GAPVD1: variants seen among roughly 807,000 people sequenced by gnomAD.
GAPVD1 encodes the protein GTPase-activating protein and VPS9 domain-containing protein 1.
In GAPVD1, 35 loss-of-function variants were observed where a neutral mutation model predicts 155.5. The observed-to-expected ratio is 0.23, with a 90% CI of 0.17 to 0.30. The LOEUF (loss-of-function observed/expected upper bound fraction) is 0.30. GAPVD1 is among the 10% of genes least tolerant of loss of function. GAPVD1 has a pLI of 1.00. For synonymous variants in GAPVD1, 636 were observed against 619.7 expected, an observed-to-expected ratio of 1.03 and a Z score of -0.39; for missense variants, 1,429 against 1,775.7, an observed-to-expected ratio of 0.80 and a Z score of 3.51.
intron 20 of GAPVD1, among the ~76,000 whole-genome samples, chr9:125,348,689 T>C (rs1454587485): frequency 6.6e-6 from 1 of 152,148 alleles, no homozygotes; most frequent in South Asian, 2.1e-4. Flanking sequence ...TTTTTGTATT[T>C]TTCATAGAGA....
chr9:125,263,954 G>C lies in GAPVD1; in HGVS notation c.-199+1995G>C, dbSNP rs1435658761. The C allele has an allele frequency of 2.8e-5, 40 of 1,403,736 alleles. 1 individual carries two copies. Among genetic ancestry groups the C allele is most frequent in the Non-Finnish European group, 3.9e-5 (39 of 992,586 alleles). 87.0% of individuals were successfully genotyped at this position (1,403,736 alleles called of 1,614,324 possible). A position where few individuals can be genotyped will look rare whatever the true frequency, so the allele number is the denominator to read the frequency against. ...CTTCATGTAGCCTTGAGACTTGAGA[G>C]ACTGCATGGCCTTCATGACATGAAG... On this transcript the variant is annotated intron_variant, in intron 1 of 27. Transcript: ENST00000297933.
chr9:125,290,782 AG>A (rs1838455153), intron 2 of GAPVD1, among the ~76,000 whole-genome samples: 1 of 152,130 alleles, frequency 6.6e-6, no homozygotes, highest in South Asian at 2.1e-4. Flanking sequence ...ATATCACTTG[AG>A]CCCAGGAGTT....
chr9:125,277,792 C>G (rs1383344990), intron 2 of GAPVD1, among the ~76,000 whole-genome samples: 1 of 151,652 alleles, frequency 6.6e-6, no homozygotes, highest in Non-Finnish European at 1.5e-5. Context: ...ACCTCAGCCT[C>G]CCAAGTACCT....
At chr9:125,327,892 C>T (rs1365803901) in intron 12 of GAPVD1, among the ~76,000 whole-genome samples, 1 of 152,224 alleles carries the variant, frequency 6.6e-6, no homozygotes, top group Non-Finnish European at 1.5e-5. Context: ...GTTAGACCCA[C>T]ATGGCCAGCT....
chr9:125,298,599 C>T (rs1367584874), intron 3 of GAPVD1, among the ~76,000 whole-genome samples: 3 of 151,266 alleles, frequency 2.0e-5, no homozygotes, highest in African/African-American at 4.9e-5. Flanking sequence ...AGGAATCCCC[C>T]TGCCTCAGCC....
rs764352410 is a variant in GAPVD1 at position 125,330,072 on chromosome 9, A to G, written c.2033-6A>G. The G allele has an allele frequency of 4.4e-6, 7 of 1,601,374 alleles. No individual in the cohort carries two copies. The highest frequency in any genetic ancestry group is 2.2e-5 in the South Asian group (2 of 88,984). On this transcript the variant is annotated splice_region_variant and splice_polypyrimidine_tract_variant and intron_variant, in intron 12 of 27. Coordinates refer to ENST00000297933, the MANE Select transcript of GAPVD1 (RefSeq NM_001282680.3). ...GTTAACCCTTTGCTTCCCACTGGTTATACAGGTGCTGCAGCAGAGAACATG... is the reference window on the plus strand; with the variant it reads ...GTTAACCCTTTGCTTCCCACTGGTTGTACAGGTGCTGCAGCAGAGAACATG...
chr9:125,349,582 T>TC (rs1296384196), intron 21 of GAPVD1, 63 bp downstream of exon 21: 2 of 1,407,122 alleles, frequency 1.4e-6, no homozygotes, highest in African/African-American at 2.8e-5. Flanking sequence ...TGCAGTCACG[T>TC]CAAGTCAAGT....
At chr9:125,327,247 G>A (rs1845317498) in intron 12 of GAPVD1, among the ~76,000 whole-genome samples, 1 of 151,230 alleles carries the variant, frequency 6.6e-6, no homozygotes, top group African/African-American at 2.4e-5. Flanking sequence ...ACTAAAATTC[G>A]CTCCTTTTTG....
chr9:125,346,819 A>G lies in GAPVD1; in HGVS notation c.3047A>G (p.Asp1016Gly). The G allele has an allele frequency of 1.2e-6, 2 of 1,613,520 alleles. No homozygotes were observed. The highest frequency in any genetic ancestry group is 1.1e-5 in the South Asian group (1 of 91,072). Reference protein sequence around the residue: ...LGPDRFSTLTDDPSPRLSAQA... With the variant: ...LGPDRFSTLTGDPSPRLSAQA... ...TCTCTCACTCTCCTTTCCCTTGCAG[A>G]TGATCCCAGCCCTAGACTCAGTGCA... Residue 1016 changes from aspartate to glycine, a missense_variant and splice_region_variant, in exon 20 of 28, where the codon GAT becomes GGT. By Grantham distance (94) the Asp-to-Gly change is moderately conservative. This residue lies in a region of GAPVD1 where 699 missense variants were observed against 826.0 expected (regional missense o/e 0.85). Coordinates refer to ENST00000297933, the MANE Select transcript of GAPVD1 (RefSeq NM_001282680.3).
At chr9:125,316,889 T>A (rs947273715) in intron 9 of GAPVD1, among the ~76,000 whole-genome samples, 15 of 152,200 alleles carry the variant, frequency 9.9e-5, no homozygotes, top group African/African-American at 3.6e-4. Context: ...TTCTCCACAT[T>A]CTCTCCAGCA....
At chr9:125,346,491 G>A in intron 19 of GAPVD1, 1 of 353,990 alleles carries the variant, frequency 2.8e-6, no homozygotes, top group Non-Finnish European at 5.3e-6. Context: ...TGGAAGTTCT[G>A]TTAGCATGAA....
At chr9:125,322,368 G>GT (rs1367103760) in intron 10 of GAPVD1, among the ~76,000 whole-genome samples, 15 of 150,828 alleles carry the variant, frequency 9.9e-5, no homozygotes, top group Middle Eastern at 3.4e-3. Flanking sequence ...CTGGCCCCGG[G>GT]TTTTTTTTTA....
chr9:125,323,267 G>A (rs576613672), intron 10 of GAPVD1, among the ~76,000 whole-genome samples: 8 of 148,826 alleles, frequency 5.4e-5, no homozygotes, highest in Admixed American at 2.0e-4. Flanking sequence ...CCATCAGGCC[G>A]GCTAATTTTT....
intron 9 of GAPVD1, among the ~76,000 whole-genome samples, chr9:125,318,020 A>G (rs1166974925): frequency 1.3e-5 from 2 of 152,160 alleles, no homozygotes; most frequent in Non-Finnish European, 2.9e-5. Flanking sequence ...ATAAATAGTC[A>G]TTAAGAAGAT....
intron 11 of GAPVD1, among the ~76,000 whole-genome samples, chr9:125,325,302 C>T (rs1409040423): frequency 6.6e-6 from 1 of 151,446 alleles, no homozygotes; most frequent in Admixed American, 6.6e-5. Context: ...ACAGGCGGAT[C>T]ATGAGGTCAG....
Position 125,337,538 on chromosome 9 carries a change from G to A in GAPVD1, c.2824G>A (p.Ala942Thr). Reference protein sequence around the residue: ...AAAIGATSLVAAPHSSSSSPS... With the variant: ...AAAIGATSLVTAPHSSSSSPS... ...AGCCATTGGTGCTACTTCTTTGGTG[G>A]CTGCACCTCATTCATCATCTTCATC... Residue 942 changes from alanine to threonine, a missense_variant, in exon 17 of 28, where the codon GCT becomes ACT. Physicochemically the swap from Ala to Thr is moderately conservative, Grantham distance 58. This residue lies in a region of GAPVD1 where 699 missense variants were observed against 826.0 expected (regional missense o/e 0.85). Transcript: ENST00000297933. The A allele has an allele frequency of 6.2e-7, 1 of 1,614,086 alleles. No individual in the cohort carries two copies. The highest frequency in any genetic ancestry group is 8.5e-7 in the Non-Finnish European group (1 of 1,179,948).
intron 9 of GAPVD1, among the ~76,000 whole-genome samples, chr9:125,313,554 C>T (rs1228623761): frequency 8.6e-5 from 13 of 152,002 alleles, no homozygotes; most frequent in African/African-American, 2.7e-4. Context: ...CCACCTGCCT[C>T]GGCCTTCCAA....
chr9:125,328,836 C>G (rs540707707), intron 12 of GAPVD1, among the ~76,000 whole-genome samples: 427 of 30,304 alleles, frequency 0.014, no homozygotes, highest in African/African-American at 0.044. Flanking sequence ...GGGGCTGACC[C>G]CCCCCCCACC....
At chr9:125,307,361 G>C in intron 6 of GAPVD1, 52 bp from the exon 7 acceptor site, 2 of 1,318,208 alleles carry the variant, frequency 1.5e-6, no homozygotes, top group Non-Finnish European at 2.0e-6. Context: ...GAGAAATTTC[G>C]TTCCAGTATT....
Sources: gnomAD v4.1 joint callset for allele counts (sites outside exome capture counted in the v4.1 genomes callset) on GRCh38, gnomAD v4.1.1 for gene constraint, gnomAD v4.1.1 regional missense constraint, MANE v1.5 for transcripts, NCBI Gene and HGNC (gene_info 2026-07-23, HGNC 2026-07-21) for gene names.